Variants in HTT observed in about 807,000 individuals in gnomAD.
HTT encodes huntington disease protein.
Under a neutral mutation model 362.3 loss-of-function variants are expected in HTT, and 104 were observed. The ratio of observed to expected loss-of-function variants is 0.29; its 90% confidence interval spans 0.24 to 0.34. The LOEUF (loss-of-function observed/expected upper bound fraction) is 0.34, where lower values mean the gene tolerates loss of function less well. HTT is among the 10% of genes least tolerant of loss of function. The pLI is 1.00. For missense variants in HTT, 3,301 were observed against 3,928.6 expected (o/e 0.84, Z 4.27); for synonymous variants, 1,577 against 1,548.7 (o/e 1.02, Z -0.43).
chr4:3,226,647 G>T (rs941736831), intron 57 of HTT, among the ~76,000 whole-genome samples: 5 of 152,248 alleles, frequency 3.3e-5, no homozygotes, highest in Non-Finnish European at 7.3e-5. Flanking sequence ...AAGCAGTTGT[G>T]CAGGACAGTT....
At chr4:3,160,170 C>T (rs1225117955) in intron 28 of HTT, 112 bp from the exon 29 acceptor site, 8 of 705,172 alleles carry the variant, frequency 1.1e-5, no homozygotes, top group Admixed American at 8.3e-5. Context: ...GAGTGTACGG[C>T]GCCGCACAGT....
chr4:3,185,165 G>A (rs1718704084), intron 37 of HTT, among the ~76,000 whole-genome samples: 2 of 152,182 alleles, frequency 1.3e-5, no homozygotes, highest in Admixed American at 6.5e-5. Flanking sequence ...GAGGAGAGGA[G>A]TCGGCAATGG....
At chr4:3,180,151 A>G (rs926297803) in intron 35 of HTT, among the ~76,000 whole-genome samples, 2 of 152,226 alleles carry the variant, frequency 1.3e-5, no homozygotes, top group Non-Finnish European at 2.9e-5. Context: ...GTCTTTTCAG[A>G]TGAATCAAGT....
At chr4:3,198,058 ACTC>A (rs1431627694) in intron 40 of HTT, among the ~76,000 whole-genome samples, 2 of 149,728 alleles carry the variant, frequency 1.3e-5, no homozygotes, top group East Asian at 2.0e-4. Context: ...AGGCATTAGA[ACTC>A]CTCGTCGTGA....
Position 3,209,211 on chromosome 4 carries a change from C to G in HTT, c.6291+300C>G, listed in dbSNP as rs28603116. Among the ~76,000 whole-genome samples, 389 of 152,282 alleles carry G rather than the reference C, an allele frequency of 2.6e-3. 1 individual carries two copies. Among genetic ancestry groups the G allele is most frequent in the African/African-American group, 9.0e-3 (375 of 41,542 alleles). Reference sequence around the variant, plus strand: ...ACAGGCCTTCAAGCACATGTCAATGCCGTTAGCCTCCCTCCATCTCCTCAT... The same window carrying G: ...ACAGGCCTTCAAGCACATGTCAATGGCGTTAGCCTCCCTCCATCTCCTCAT... On this transcript the variant is annotated intron_variant, in intron 46 of 66. Coordinates refer to ENST00000355072, the MANE Select transcript of HTT (RefSeq NM_001388492.1).
chr4:3,135,935 A>G lies in HTT; in HGVS notation c.2665A>G (p.Asn889Asp), dbSNP rs1716043674. ...LVSFLEAKAE[N>D]LHRGAHHYTG... is the part of the protein sequence containing the mutation. ...GAGCTTTTTGGAGGCAAAAGCAGAA[A>G]ACTTACACAGAGGGGCTCATCATTA... is the stretch of plus-strand genomic sequence containing the variant. The change falls in exon 20 of 67, where the codon AAC becomes GAC. Residue 889 changes from asparagine (N) to aspartate (D), a missense_variant. Transcript: ENST00000355072. 4 of 1,603,870 alleles carry G rather than the reference A, an allele frequency of 2.5e-6. No individual in the cohort carries two copies. The highest frequency in any genetic ancestry group is 2.7e-5 in the African/African-American group (2 of 74,318).
At chr4:3,075,652 G>GGC (rs1336976067) in intron 1 of HTT, among the ~76,000 whole-genome samples, 1 of 143,106 alleles carries the variant, frequency 7.0e-6, no homozygotes, top group Non-Finnish European at 1.5e-5. Context: ...CGGGGCAGGG[G>GGC]GGGGGCGGGG....
rs1177821815 is a variant in HTT at position 3,189,035 on chromosome 4, T to C, written c.5310T>C (p.Thr1770=). The change falls in exon 40 of 67, where the codon ACT becomes ACC. Residue 1770 remains threonine, a synonymous_variant. Transcript: ENST00000355072. ...TGGAAATGAGTGAGCAGCAACATAC[T>C]TTCTATTGCCAGGAACTAGGCACAC... The part of the protein sequence containing the change: ...LKVEMSEQQH[T]FYCQELGTLL... 1.2e-6 allele frequency: 2 copies of C among 1,614,030 alleles called. No homozygotes were observed. Among genetic ancestry groups the C allele is most frequent in the East Asian group, 4.5e-5 (2 of 44,878 alleles).
rs766920780 is a variant in HTT, at chr4:3,225,760, C to T, written c.7848+17C>T. 3.6e-5 allele frequency: 58 copies of T among 1,600,686 alleles called. No homozygotes were observed. In the Admixed American group the frequency reaches 6.9e-4, roughly 19 times the overall value. On this transcript the variant is annotated intron_variant, in intron 57 of 66. Transcript: ENST00000355072. Reference sequence around the variant, plus strand: ...CTCGGCCAGGTCAGTCTCGCGCCCCCGCCGCCTGGCCTCTGTCCGTTTCTG... The same window carrying T: ...CTCGGCCAGGTCAGTCTCGCGCCCCTGCCGCCTGGCCTCTGTCCGTTTCTG...
chr4:3,181,846 T>G (rs966851077), intron 36 of HTT, among the ~76,000 whole-genome samples: 3 of 152,122 alleles, frequency 2.0e-5, no homozygotes, highest in Admixed American at 6.5e-5. Context: ...GAGCTCTGGA[T>G]ATGTCTGTTT....
At chr4:3,226,070 G>A (rs1250845775) in intron 57 of HTT, among the ~76,000 whole-genome samples, 1 of 152,198 alleles carries the variant, frequency 6.6e-6, no homozygotes, top group Non-Finnish European at 1.5e-5. Flanking sequence ...AAAAAGGGGG[G>A]TGAGGACAGA....
chr4:3,182,396 G>A lies in HTT; in HGVS notation c.4792G>A (p.Glu1598Lys). The A allele has an allele frequency of 6.2e-7, 1 of 1,614,018 alleles. No individual in the cohort carries two copies. Among genetic ancestry groups the A allele is most frequent in the Non-Finnish European group, 8.5e-7 (1 of 1,179,844 alleles). Reference protein sequence around the residue: ...FILVLQQCHKENEDKWKRLSR... With the variant: ...FILVLQQCHKKNEDKWKRLSR... Reference sequence around the variant, plus strand: ...TCTTGTCCTGCAGCAGTGCCACAAGGAGAATGAAGACAAGTGGAAGCGACT... The same window carrying A: ...TCTTGTCCTGCAGCAGTGCCACAAGAAGAATGAAGACAAGTGGAAGCGACT... Residue 1598 changes from glutamate to lysine, a missense_variant, in exon 37 of 67, where the codon GAG (glutamate) becomes AAG (lysine). By Grantham distance (56) the Glu-to-Lys change is moderately conservative (BLOSUM62 1). Transcript: ENST00000355072.
chr4:3,160,727 A>G (rs1230504924), intron 29 of HTT, among the ~76,000 whole-genome samples: 2 of 152,116 alleles, frequency 1.3e-5, no homozygotes, highest in African/African-American at 4.8e-5. Context: ...ACAGACGGGT[A>G]AGGGGGCGGG....
At chr4:3,215,300 A>G (rs1720345538) in intron 51 of HTT, 89 bp downstream of exon 51, 3 of 953,248 alleles carry the variant, frequency 3.1e-6, no homozygotes, top group East Asian at 5.0e-5. Context: ...GTGAGTGTGG[A>G]CTCCTGGAAG....
chr4:3,141,137 T>C (rs1372539110), intron 22 of HTT, among the ~76,000 whole-genome samples: 1 of 152,248 alleles, frequency 6.6e-6, no homozygotes, highest in Admixed American at 6.5e-5. Context: ...TGGCCACATA[T>C]ATCCCATTCT....
At chr4:3,172,457 G>A (rs1718035638) in intron 30 of HTT, 60 bp downstream of exon 30, 3 of 1,074,164 alleles carry the variant, frequency 2.8e-6, no homozygotes, top group Non-Finnish European at 4.4e-6. Context: ...GCAAAACGCT[G>A]CTACTCCTTA....
chr4:3,102,757 G>A (rs1437882933), intron 3 of HTT, among the ~76,000 whole-genome samples: 1 of 152,244 alleles, frequency 6.6e-6, no homozygotes, highest in African/African-American at 2.4e-5. Context: ...GGGTGAGAGT[G>A]GGGCACCAAA....
chr4:3,100,818 A>G (rs1236908102), intron 3 of HTT, among the ~76,000 whole-genome samples: 1 of 152,178 alleles, frequency 6.6e-6, no homozygotes, highest in Non-Finnish European at 1.5e-5. Flanking sequence ...GCCTTGAGCT[A>G]CCGGGCTCAA....
intron 29 of HTT, among the ~76,000 whole-genome samples, chr4:3,170,931 C>G (rs1485616728): frequency 6.6e-6 from 1 of 152,218 alleles, no homozygotes; most frequent in Non-Finnish European, 1.5e-5. Flanking sequence ...GTATTTGTAG[C>G]AGAGCCCTGG....
Sources: allele counts gnomAD v4.1 joint callset (sites outside exome capture counted in the v4.1 genomes callset), GRCh38; gene constraint gnomAD v4.1.1; transcripts MANE v1.5; gene names NCBI Gene and HGNC (gene_info 2026-07-23, HGNC 2026-07-21).